Variants in PUDP observed in about 807,000 individuals in gnomAD.
PUDP encodes pseudouridine-5'-phosphatase.
Under a neutral mutation model 9.4 loss-of-function variants are expected in PUDP, and 8 were observed. That is an observed-to-expected ratio of 0.85 (90% confidence interval 0.50 to 1.53). The LOEUF is 1.53. Ranked by LOEUF, PUDP falls within the 40% of genes most tolerant of loss-of-function variation. The pLI, the probability that PUDP is intolerant of heterozygous loss-of-function variation, is 0.00. For missense variants in PUDP, 188 were observed against 189.7 expected, an observed-to-expected ratio of 0.99 and a Z score of 0.05; for synonymous variants, 99 against 80.7, an observed-to-expected ratio of 1.23 and a Z score of -1.22.
chrX:6,813,740 G>A (rs1926182918), intron 3 of PUDP, among the ~76,000 whole-genome samples: 2 of 111,461 alleles, frequency 1.8e-5, no homozygotes, highest in Admixed American at 9.6e-5. Flanking sequence ...TGGGGGGTGG[G>A]TGTTTGGTTT....
chrX:6,970,675 G>A (rs1169541529), intron 3 of PUDP, among the ~76,000 whole-genome samples: 4 of 111,885 alleles, frequency 3.6e-5, no homozygotes, highest in African/African-American at 9.8e-5. Context: ...TCATTTAGAT[G>A]TATTAATATT....
At chrX:6,799,382 A>T in intron 3 of PUDP, among the ~76,000 whole-genome samples, 1 of 112,062 alleles carries the variant, frequency 8.9e-6, no homozygotes, top group Non-Finnish European at 1.9e-5. Context: ...AAATAAGTAC[A>T]TAAAGAAAGG....
At chrX:6,908,224 G>A (rs1027742270) in intron 3 of PUDP, among the ~76,000 whole-genome samples, 1 of 112,505 alleles carries the variant, frequency 8.9e-6, no homozygotes, top group Non-Finnish European at 1.9e-5. Flanking sequence ...GACAGGGATT[G>A]ATAAAACCCG....
At chrX:6,758,610 A>T (rs964267678) in intron 3 of PUDP, among the ~76,000 whole-genome samples, 60 of 111,626 alleles carry the variant, frequency 5.4e-4, no homozygotes, top group Non-Finnish European at 8.7e-4. Context: ...CAAAGACCTG[A>T]CATGGATTTT....
intron 3 of PUDP, among the ~76,000 whole-genome samples, chrX:6,727,571 T>G (rs1361025924): frequency 8.9e-6 from 1 of 111,806 alleles, no homozygotes; most frequent in East Asian, 2.8e-4. Flanking sequence ...TGGATCCAGG[T>G]GGCTTAATGA....
rs749519985 is a variant in PUDP at position 6,944,448 on chromosome X, G to T, written c.*247+32685C>A. 1.3e-4 allele frequency among the ~76,000 whole-genome samples: 14 copies of T among 110,236 alleles called. No individual in the cohort carries two copies. The South Asian group carries it at 5.5e-3, about 44-fold the overall frequency. ...ATTTGAAAAACATGCTATATATATT[G>T]AGAGTGAGATACATCAGGGACCCCT... is the stretch of plus-strand genomic sequence containing the variant. On this transcript the variant is annotated intron_variant and NMD_transcript_variant, in intron 3 of 3. Coordinates refer to the PUDP transcript ENST00000655425.
At chrX:6,785,618 C>G (rs1925634483) in intron 3 of PUDP, among the ~76,000 whole-genome samples, 1 of 109,001 alleles carries the variant, frequency 9.2e-6, no homozygotes, top group Admixed American at 9.8e-5. Context: ...AAAAAAAAAA[C>G]ACTTTAATTC....
Position 7,132,078 on chromosome X carries a change from C to T in PUDP, c.61+15975G>A, listed in dbSNP as rs575422882. 1.5e-3 allele frequency among the ~76,000 whole-genome samples: 164 copies of T among 110,158 alleles called. 3 individuals carry two copies. The Middle Eastern group carries it at 0.041, about 28-fold the overall frequency. ...GAAGAACAGATCATGTCCACCCCCG[C>T]CCCCGTACAAATTACAGCACCCCTG... is the stretch of plus-strand genomic sequence containing the variant. On this transcript the variant is annotated intron_variant, in intron 1 of 3. Transcript: ENST00000381077.
At chrX:6,805,694 T>C (rs1233205540) in intron 3 of PUDP, among the ~76,000 whole-genome samples, 1 of 108,740 alleles carries the variant, frequency 9.2e-6, no homozygotes, top group African/African-American at 3.4e-5. Context: ...TAATTTTTTT[T>C]TTTTTTAGAG....
intron 3 of PUDP, among the ~76,000 whole-genome samples, chrX:7,073,038 G>A (rs887507678): frequency 1.4e-4 from 15 of 110,562 alleles, no homozygotes; most frequent in Admixed American, 3.9e-4. Flanking sequence ...AGGACCTGGC[G>A]TTCGGCACAT....
intron 2 of PUDP, chrX:7,085,281 G>T (rs1024725084): frequency 8.9e-6 from 1 of 112,422 alleles, no homozygotes; most frequent in Non-Finnish European, 1.9e-5. Flanking sequence ...ATCTCACAAG[G>T]GTACCATGTT....
intron 3 of PUDP, among the ~76,000 whole-genome samples, chrX:6,767,573 G>A (rs1569094747): frequency 8.9e-6 from 1 of 112,481 alleles, no homozygotes; most frequent in African/African-American, 3.2e-5. Flanking sequence ...CTTTGCCCAC[G>A]ATGGGATATA....
At chrX:6,792,629 C>G (rs189430153) in intron 3 of PUDP, among the ~76,000 whole-genome samples, 4 of 111,728 alleles carry the variant, frequency 3.6e-5, no homozygotes, top group East Asian at 2.8e-4. Flanking sequence ...TGGTTTACTC[C>G]TATTAGATCC....
At chrX:6,728,732 G>A (rs1460266967) in intron 3 of PUDP, among the ~76,000 whole-genome samples, 3 of 111,668 alleles carry the variant, frequency 2.7e-5, no homozygotes, top group Non-Finnish European at 5.6e-5. Flanking sequence ...ATCTTGGACT[G>A]CCATGGCACA....
intron 1 of PUDP, among the ~76,000 whole-genome samples, chrX:7,133,316 G>C (rs760056688): frequency 9.0e-6 from 1 of 111,578 alleles, no homozygotes; most frequent in South Asian, 3.8e-4. Context: ...AGCATGTGCC[G>C]AAGCCATGAG....
At chrX:6,939,310 C>G (rs1222651533) in intron 3 of PUDP, among the ~76,000 whole-genome samples, 3 of 106,214 alleles carry the variant, frequency 2.8e-5, no homozygotes, top group Non-Finnish European at 3.9e-5. Context: ...TATTATTCAT[C>G]TATTTAATAA....
intron 3 of PUDP, among the ~76,000 whole-genome samples, chrX:6,932,732 C>T (rs1020698750): frequency 8.9e-6 from 1 of 111,837 alleles, no homozygotes; most frequent in South Asian, 3.8e-4. Flanking sequence ...AAAGGGGTGA[C>T]GGACGCACCT....
chrX:7,135,307 G>C (rs1279712655), intron 1 of PUDP, among the ~76,000 whole-genome samples: 4 of 112,281 alleles, frequency 3.6e-5, no homozygotes, highest in Non-Finnish European at 7.5e-5. Context: ...ACAGGTACCA[G>C]TGGCTACTCT....
At chrX:7,124,987 C>CCTCGGG (rs2146919799) in intron 1 of PUDP, among the ~76,000 whole-genome samples, 1 of 105,199 alleles carries the variant, frequency 9.5e-6, no homozygotes, top group South Asian at 4.4e-4. Flanking sequence ...GTTTTTCCCT[C>CCTCGGG]ATCGGGCTAC....
Sources: gnomAD v4.1 joint callset for allele counts (sites outside exome capture counted in the v4.1 genomes callset) on GRCh38, gnomAD v4.1.1 for gene constraint, MANE v1.5 for transcripts, NCBI Gene and HGNC (gene_info 2026-07-23, HGNC 2026-07-21) for gene names.